The following RSRP1 variants were observed in gnomAD, a reference collection of about 807,000 sequenced individuals.
The protein encoded by RSRP1 is arginine/serine-rich protein 1.
RSRP1 carries 37 observed loss-of-function variants against 33.0 expected under a neutral mutation model. The ratio of observed to expected loss-of-function variants is 1.12; its 90% confidence interval spans 0.86 to 1.48. The LOEUF (loss-of-function observed/expected upper bound fraction) is 1.48. Among genes scored for constraint, RSRP1 ranks in the 40% most tolerant of loss-of-function variants. The pLI is 0.00. For missense variants in RSRP1, 402 were observed against 385.3 expected (o/e 1.04, Z -0.36); for synonymous variants, 167 against 158.7 (o/e 1.05, Z -0.40).
At position 25,312,147 on chromosome 1, in the gene RSRP1, G is replaced by A. The variant is rs1158352301; in HGVS notation, c.-67+25831C>T. ...AATTCCATAGTGTGTCCAGGAGGTGGCACACAGAGTAAAAGATCATTCTGA... is the reference window on the plus strand; with the variant it reads ...AATTCCATAGTGTGTCCAGGAGGTGACACACAGAGTAAAAGATCATTCTGA... On this transcript the variant is annotated intron_variant, in intron 1 of 1. Coordinates refer to the RSRP1 transcript ENST00000561867. 2.0e-5 allele frequency among the ~76,000 whole-genome samples: 2 copies of A among 97,870 alleles called. 1 individual carries two copies. Among genetic ancestry groups the A allele is most frequent in the Admixed American group, 2.0e-4 (2 of 10,208 alleles). The allele number at this position is 97,870 out of a possible 152,430, so 64.2% of individuals were successfully genotyped here.
chr1:25,255,164 C>T (rs1415140974), intron 1 of RSRP1, among the ~76,000 whole-genome samples: 2 of 152,160 alleles, frequency 1.3e-5, no homozygotes, highest in Non-Finnish European at 2.9e-5. Context: ...AATGGAATAA[C>T]TGGAGAATGT....
intron 1 of RSRP1, among the ~76,000 whole-genome samples, chr1:25,304,022 G>A (rs1571680977): frequency 2.4e-5 from 2 of 84,150 alleles, no homozygotes; most frequent in East Asian, 4.5e-4. Context: ...TGGATGATGT[G>A]AGAGGAGCAG....
intron 1 of RSRP1, among the ~76,000 whole-genome samples, chr1:25,288,340 C>CTT (rs1258431849): frequency 1.4e-4 from 16 of 113,530 alleles, no homozygotes; most frequent in African/African-American, 4.7e-4. Context: ...CCACACCTAG[C>CTT]TTTTTTTTTT....
chr1:25,275,541 G>A (rs1008313876), intron 1 of RSRP1, among the ~76,000 whole-genome samples: 1 of 131,654 alleles, frequency 7.6e-6, no homozygotes, highest in Non-Finnish European at 1.8e-5. Flanking sequence ...TTCTGATGGT[G>A]TACACACGAT....
rs1479891944 is a variant in RSRP1, at chr1:25,299,130, C to G, written c.-67+38848G>C. Among the ~76,000 whole-genome samples the G allele has an allele frequency of 1.6e-5, 2 of 125,750 alleles. 1 individual carries two copies. The highest frequency in any genetic ancestry group is 5.5e-5 in the African/African-American group (2 of 36,648). The allele number at this position is 125,750 out of a possible 152,430, so 82.5% of individuals were successfully genotyped here. A position where few individuals can be genotyped will look rare whatever the true frequency, so the allele number is the denominator to read the frequency against. ...GGAGCAGTGGCTCATGCCTGTAATCCCAGCGCTTTGGGAGGCCAAGGCGGA... is the reference window on the plus strand; with the variant it reads ...GGAGCAGTGGCTCATGCCTGTAATCGCAGCGCTTTGGGAGGCCAAGGCGGA... On this transcript the variant is annotated intron_variant, in intron 1 of 1. Transcript: ENST00000561867.
Position 25,246,711 on chromosome 1 carries a change from G to C in RSRP1, c.253C>G (p.Arg85Gly), listed in dbSNP as rs1164393733. Residue 85 changes from arginine to glycine, a missense_variant, in exon 2 of 5, where the codon CGG (arginine) becomes GGG (glycine). Arg to Gly is a moderately radical substitution (Grantham distance 125). Coordinates refer to ENST00000243189, the MANE Select transcript of RSRP1 (RefSeq NM_020317.5). ...TAACGGCGGCTGCGGGATCGCGACC[G>C]GCTCCGCGAGTATGACCGCGAGTAG... is the stretch of plus-strand genomic sequence containing the variant. Reference protein sequence around the residue: ...RRYSRSYSRSRSRSRSRRYRE... With the variant: ...RRYSRSYSRSGSRSRSRRYRE... 6.2e-7 allele frequency: 1 copy of C among 1,607,648 alleles called. No individual in the cohort carries two copies. Among genetic ancestry groups the C allele is most frequent in the Non-Finnish European group, 8.5e-7 (1 of 1,175,358 alleles).
chr1:25,263,074 G>T (rs1640207522), intron 1 of RSRP1, among the ~76,000 whole-genome samples: 1 of 152,196 alleles, frequency 6.6e-6, no homozygotes, highest in African/African-American at 2.4e-5. Context: ...CTCTGAAGAG[G>T]TTAATATCTG....
At position 25,246,982 on chromosome 1, in the gene RSRP1, C is replaced by A. The variant is rs752173911; in HGVS notation, c.-19G>T. ...TGGACATCTTCACCTGCGGCTTTAG[C>A]CTGCGCTTTCTCCGGAAAGGATCCC... On this transcript the variant is annotated 5_prime_UTR_variant, in exon 2 of 5. Transcript: ENST00000243189. 34 of 1,537,458 alleles carry A rather than the reference C, an allele frequency of 2.2e-5. No individual in the cohort carries two copies. Among genetic ancestry groups the A allele is most frequent in the African/African-American group, 4.2e-5 (3 of 72,152 alleles).
chr1:25,246,198 A>G (rs1271718657), intron 2 of RSRP1, among the ~76,000 whole-genome samples: 1 of 152,080 alleles, frequency 6.6e-6, no homozygotes. Context: ...TCCACCCACT[A>G]AGAACAGTCA....
At position 25,301,038 on chromosome 1, in the gene RSRP1, G is replaced by A. The variant is rs77813628; in HGVS notation, c.-67+36940C>T. The A allele has an allele frequency of 8.2e-4, 1,131 of 1,377,588 alleles. 192 individuals are homozygous for A. The African/African-American group carries it at 0.014, about 17-fold the overall frequency. The allele number at this position is 1,377,588 out of a possible 1,614,324, so 85.3% of individuals were successfully genotyped here. ...GGTGCCTGCCAAAGCCTCTACCCGA[G>A]GGAACGGAGGATAAAGATCAGACAG... On this transcript the variant is annotated intron_variant, in intron 1 of 1. Coordinates refer to the RSRP1 transcript ENST00000561867.
chr1:25,286,167 G>GA (rs1327137415), intron 1 of RSRP1, among the ~76,000 whole-genome samples: 1 of 134,932 alleles, frequency 7.4e-6, no homozygotes, highest in Non-Finnish European at 1.8e-5. Flanking sequence ...GCCCTGGAGG[G>GA]AAAAAACTTT....
rs1251167297 is a variant in RSRP1, at chr1:25,308,578, C to T, written c.-67+29400G>A. ...CAATTTCTATGGTACAAACGCTTCC[C>T]GCATGACTGAGTTCAAGCTGTCAAG... On this transcript the variant is annotated intron_variant, in intron 1 of 1. Transcript: ENST00000561867. Among the ~76,000 whole-genome samples, 8 of 131,930 alleles carry T rather than the reference C, an allele frequency of 6.1e-5. 1 individual carries two copies. In the South Asian group the frequency reaches 9.2e-4, roughly 15 times the overall value. The allele number at this position is 131,930 out of a possible 152,430, so 86.6% of individuals were successfully genotyped here.
At chr1:25,290,644 T>C in intron 1 of RSRP1, 1 of 1,377,754 alleles carries the variant, frequency 7.3e-7, no homozygotes, top group Middle Eastern at 1.8e-4. Context: ...CCCCCAGTAT[T>C]CGGCTGGCCA....
chr1:25,251,741 A>G (rs1422952415), upstream of RSRP1, among the ~76,000 whole-genome samples: 1 of 152,166 alleles, frequency 6.6e-6, no homozygotes, highest in Non-Finnish European at 1.5e-5. Context: ...AAAGATGTAT[A>G]CAAGCTAACG....
chr1:25,335,766 ATAG>A lies in RSRP1; in HGVS notation c.-67+2209_-67+2211del, dbSNP rs904927612. ...CACATGCATGTGTATGTGTTTTACG[ATAG>A]TAGGCCCAACAGATACTGTAATCCA... On this transcript the variant is annotated intron_variant, in intron 1 of 1. Coordinates refer to the RSRP1 transcript ENST00000561867. 1.3e-4 allele frequency: 11 copies of A among 82,632 alleles called. 1 individual carries two copies. Among genetic ancestry groups the A allele is most frequent in the African/African-American group, 3.8e-4 (10 of 26,508 alleles). The allele number at this position is 82,632 out of a possible 1,614,324, so 5.1% of individuals were successfully genotyped here. A position where few individuals can be genotyped will look rare whatever the true frequency, so the allele number is the denominator to read the frequency against.
chr1:25,291,589 C>G (rs530456930), intron 1 of RSRP1, among the ~76,000 whole-genome samples: 1 of 132,890 alleles, frequency 7.5e-6, no homozygotes, highest in South Asian at 2.3e-4. Context: ...CCTTTAACTA[C>G]TACAGTATAA....
intron 1 of RSRP1, among the ~76,000 whole-genome samples, chr1:25,259,240 A>G (rs1187100714): frequency 6.6e-6 from 1 of 151,404 alleles, no homozygotes; most frequent in Non-Finnish European, 1.5e-5. Context: ...AATTACAGGC[A>G]CCCACCACAT....
At chr1:25,282,084 T>C (rs2124612408) in intron 1 of RSRP1, among the ~76,000 whole-genome samples, 1 of 132,162 alleles carries the variant, frequency 7.6e-6, no homozygotes, top group Admixed American at 7.4e-5. Flanking sequence ...GTTCTCCATG[T>C]GCCAGTCACT....
chr1:25,251,574 G>A (rs28472809), upstream of RSRP1, among the ~76,000 whole-genome samples: 6,404 of 152,092 alleles, frequency 0.042, 485 homozygotes, highest in African/African-American at 0.15. Context: ...TCTCCATGTT[G>A]GTCAGGCTGA....
Sources: gnomAD v4.1 joint callset for allele counts (sites outside exome capture counted in the v4.1 genomes callset) on GRCh38, gnomAD v4.1.1 for gene constraint, MANE v1.5 for transcripts, NCBI Gene and HGNC (gene_info 2026-07-23, HGNC 2026-07-21) for gene names.